The following SKAP2 variants were observed in gnomAD, a reference collection of about 807,000 sequenced individuals.
The protein encoded by SKAP2 is src kinase-associated phosphoprotein 2.
Under a neutral mutation model 54.9 loss-of-function variants are expected in SKAP2, and 28 were observed. That is an observed-to-expected ratio of 0.51 (90% CI 0.38 to 0.70). The LOEUF is 0.70. Among genes scored for constraint, SKAP2 ranks in the 30% least tolerant of loss-of-function variants. The pLI is 0.00. For synonymous variants in SKAP2, 137 were observed against 134.3 expected, an observed-to-expected ratio of 1.02 and a Z score of -0.14; for missense variants, 356 against 424.1, an observed-to-expected ratio of 0.84 and a Z score of 1.41.
At chr7:26,815,505 C>T (rs1238433992) in intron 4 of SKAP2, among the ~76,000 whole-genome samples, 2 of 152,032 alleles carry the variant, frequency 1.3e-5, no homozygotes, top group Admixed American at 6.6e-5. Context: ...AAAAAACATC[C>T]CATCAGCTGT....
chr7:26,680,750 T>C (rs1478858564), intron 11 of SKAP2, among the ~76,000 whole-genome samples: 1 of 152,202 alleles, frequency 6.6e-6, no homozygotes, highest in African/African-American at 2.4e-5. Context: ...TTAGATTTAT[T>C]ATTAGTGAGG....
intron 9 of SKAP2, among the ~76,000 whole-genome samples, chr7:26,702,295 C>T (rs1197487633): frequency 6.6e-6 from 1 of 152,226 alleles, no homozygotes; most frequent in East Asian, 1.9e-4. Flanking sequence ...GCGCACACTA[C>T]TACATCCGGC....
chr7:26,718,761 C>G (rs886814446), intron 9 of SKAP2, among the ~76,000 whole-genome samples: 10 of 152,194 alleles, frequency 6.6e-5, no homozygotes, highest in Non-Finnish European at 1.3e-4. Context: ...ACCTCGGCCT[C>G]CCAAAGTGCT....
chr7:26,781,203 C>G (rs991918820), intron 4 of SKAP2, among the ~76,000 whole-genome samples: 3 of 151,934 alleles, frequency 2.0e-5, no homozygotes, highest in African/African-American at 7.3e-5. Flanking sequence ...TAAATGTGAC[C>G]CTCTTACACT....
chr7:26,845,293 C>T (rs528462446), intron 3 of SKAP2, among the ~76,000 whole-genome samples: 3 of 152,286 alleles, frequency 2.0e-5, no homozygotes, highest in African/African-American at 4.8e-5. Context: ...TTTGTTACCA[C>T]ATTTTTGGTA....
intron 4 of SKAP2, among the ~76,000 whole-genome samples, chr7:26,754,399 T>C (rs1267572872): frequency 4.0e-5 from 2 of 49,632 alleles, no homozygotes; most frequent in African/African-American, 3.0e-4. Flanking sequence ...ATTCAAGATG[T>C]GAAAAAAAAA....
chr7:26,841,084 C>T lies in SKAP2; in HGVS notation c.307+2946G>A, dbSNP rs780219017. On this transcript the variant is annotated intron_variant, in intron 4 of 12. Transcript: ENST00000345317. ...AACTCAAAAATCAATTATATCAACT[C>T]TTTTGTATAGAGAAGCAGCACACCT... Among the ~76,000 whole-genome samples the T allele has an allele frequency of 3.3e-5, 5 of 151,994 alleles. No homozygotes were observed. In the East Asian group the frequency reaches 9.6e-4, roughly 29 times the overall value.
chr7:26,762,065 C>A (rs1782944153), intron 4 of SKAP2, among the ~76,000 whole-genome samples: 1 of 152,144 alleles, frequency 6.6e-6, no homozygotes, highest in Non-Finnish European at 1.5e-5. Flanking sequence ...TTCATACTAT[C>A]TTGAAACAGT....
intron 9 of SKAP2, among the ~76,000 whole-genome samples, chr7:26,723,894 C>T (rs955749320): frequency 6.6e-5 from 10 of 152,072 alleles, no homozygotes; most frequent in Admixed American, 3.3e-4. Context: ...TTCTTTTAAA[C>T]ATTTTTAAAT....
At chr7:26,684,919 T>C in intron 10 of SKAP2, 71 bp from the exon 11 acceptor site, 1 of 885,196 alleles carries the variant, frequency 1.1e-6, no homozygotes, top group Non-Finnish European at 1.8e-6. Context: ...AATTAACCAG[T>C]AGAAATTAAA....
At chr7:26,727,290 T>C (rs1787729169) in intron 6 of SKAP2, among the ~76,000 whole-genome samples, 1 of 151,976 alleles carries the variant, frequency 6.6e-6, no homozygotes. Flanking sequence ...AACTAGAACA[T>C]AGAACTTGCT....
chr7:26,775,261 T>A (rs1783279805), intron 4 of SKAP2, among the ~76,000 whole-genome samples: 1 of 152,122 alleles, frequency 6.6e-6, no homozygotes, highest in South Asian at 2.1e-4. Context: ...AAAAACATGA[T>A]CAAGTTCCCC....
At chr7:26,839,228 C>CT in intron 4 of SKAP2, among the ~76,000 whole-genome samples, 1 of 152,046 alleles carries the variant, frequency 6.6e-6, no homozygotes, top group Non-Finnish European at 1.5e-5. Context: ...CATCTGTGTA[C>CT]TTTATATCCC....
intron 7 of SKAP2, 83 bp from the exon 8 acceptor site, chr7:26,726,069 T>A: frequency 1.2e-6 from 1 of 860,982 alleles, no homozygotes. Context: ...TCTTTAAGAC[T>A]ATTAGTAATT....
intron 4 of SKAP2, among the ~76,000 whole-genome samples, chr7:26,805,543 G>A (rs902089417): frequency 1.3e-5 from 2 of 152,086 alleles, no homozygotes; most frequent in Non-Finnish European, 2.9e-5. Context: ...TTCTTCGGGG[G>A]AAGCCAGCTA....
rs1785331138 is a variant in SKAP2, at chr7:26,864,388, A to T, written c.42T>A (p.Pro14=). The T allele has an allele frequency of 6.2e-7, 1 of 1,612,768 alleles. No homozygotes were observed. The highest frequency in any genetic ancestry group is 8.5e-7 in the Non-Finnish European group (1 of 1,179,404). The change falls in exon 1 of 13, where the codon CCT becomes CCA. Residue 14 remains proline, a synonymous_variant. Coordinates refer to ENST00000345317, the MANE Select transcript of SKAP2 (RefSeq NM_003930.5). ...CTGCCAACAGGTTCCTAATTTCCTC[A>T]GGGAGGGGGTAGGGAGAGGAGGTGC... ...PSSTSSPYPL[P]EEIRNLLADV...
At chr7:26,694,402 CTCT>C (rs1177007535) in intron 9 of SKAP2, among the ~76,000 whole-genome samples, 1 of 151,808 alleles carries the variant, frequency 6.6e-6, no homozygotes, top group Non-Finnish European at 1.5e-5. Flanking sequence ...CAGCACAAAA[CTCT>C]TCAACATGTG....
intron 4 of SKAP2, among the ~76,000 whole-genome samples, chr7:26,828,214 G>A (rs1784531404): frequency 6.6e-6 from 1 of 152,108 alleles, no homozygotes; most frequent in African/African-American, 2.4e-5. Context: ...TGATATGAAA[G>A]AAGAGTCATG....
intron 9 of SKAP2, among the ~76,000 whole-genome samples, chr7:26,723,675 T>C (rs1375424256): frequency 6.6e-6 from 1 of 152,078 alleles, no homozygotes; most frequent in East Asian, 1.9e-4. Flanking sequence ...AAAATAACTA[T>C]GAATATCTGG....
Sources: gnomAD v4.1 joint callset for allele counts (sites outside exome capture counted in the v4.1 genomes callset) on GRCh38, gnomAD v4.1.1 for gene constraint, MANE v1.5 for transcripts, NCBI Gene and HGNC (gene_info 2026-07-23, HGNC 2026-07-21) for gene names.